Variants in TEX11 observed in about 807,000 individuals in gnomAD.
The protein encoded by TEX11 is testis-expressed protein 11.
Under a neutral mutation model 84.4 loss-of-function variants are expected in TEX11, and 7 were observed. The observed-to-expected ratio is 0.08, with a 90% CI of 0.05 to 0.16. The LOEUF (loss-of-function observed/expected upper bound fraction) is 0.16, where lower values mean the gene tolerates loss of function less well. TEX11 is among the 10% of genes least tolerant of loss of function. The pLI is 1.00. For missense variants in TEX11, 551 were observed against 660.5 expected, an observed-to-expected ratio of 0.83 and a Z score of 1.82; for synonymous variants, 264 against 222.8, an observed-to-expected ratio of 1.18 and a Z score of -1.64.
At chrX:70,667,404 G>A (rs1033449354) in intron 16 of TEX11, among the ~76,000 whole-genome samples, 1 of 111,995 alleles carries the variant, frequency 8.9e-6, no homozygotes, top group African/African-American at 3.3e-5. Flanking sequence ...TGTCCATGTG[G>A]ATAAAGGTTT....
intron 25 of TEX11, among the ~76,000 whole-genome samples, chrX:70,566,753 C>T (rs2088487374): frequency 9.0e-6 from 1 of 111,557 alleles, no homozygotes; most frequent in Admixed American, 9.5e-5. Flanking sequence ...AGGGATGAAG[C>T]CCACTTGATC....
At chrX:70,580,336 G>A (rs903719605) in intron 25 of TEX11, among the ~76,000 whole-genome samples, 4 of 112,018 alleles carry the variant, frequency 3.6e-5, no homozygotes, top group African/African-American at 1.3e-4. Context: ...TGTGAGGATG[G>A]GTAATGGGTA....
chrX:70,715,551 C>T (rs1208190708), intron 13 of TEX11, among the ~76,000 whole-genome samples: 1 of 111,750 alleles, frequency 8.9e-6, no homozygotes, highest in African/African-American at 3.3e-5. Context: ...TGATCTTCCA[C>T]TACTGATACC....
chrX:70,805,197 T>G lies in TEX11; in HGVS notation c.692+1508A>C, dbSNP rs143496794. Reference sequence around the variant, plus strand: ...TATATAAGTCATTTGCATCAACATTTTGCTAGTGATAGATATGTCTGAGTA... The same window carrying G: ...TATATAAGTCATTTGCATCAACATTGTGCTAGTGATAGATATGTCTGAGTA... On this transcript the variant is annotated intron_variant, in intron 9 of 29. Coordinates refer to ENST00000374333, the MANE Select transcript of TEX11 (RefSeq NM_031276.3). Among the ~76,000 whole-genome samples the G allele has an allele frequency of 1.5e-4, 16 of 109,899 alleles. No individual in the cohort carries two copies. In the East Asian group the frequency reaches 4.5e-3, roughly 31 times the overall value.
chrX:70,732,812 C>T (rs750835285), intron 11 of TEX11, among the ~76,000 whole-genome samples: 2 of 111,505 alleles, frequency 1.8e-5, no homozygotes, highest in African/African-American at 6.5e-5. Flanking sequence ...TTTAAAGTTC[C>T]TATGGAACCA....
At chrX:70,856,489 T>C (rs1458117792) in intron 5 of TEX11, among the ~76,000 whole-genome samples, 3 of 111,510 alleles carry the variant, frequency 2.7e-5, no homozygotes, top group African/African-American at 6.5e-5. Context: ...CCATGTACTA[T>C]AAATCATCTC....
At chrX:70,862,043 T>C (rs2091573336) in intron 4 of TEX11, among the ~76,000 whole-genome samples, 1 of 109,536 alleles carries the variant, frequency 9.1e-6, no homozygotes, top group South Asian at 3.9e-4. Context: ...CAAGCTAGAA[T>C]ACAGTGGCAT....
chrX:70,730,623 C>T (rs193296292), intron 11 of TEX11, among the ~76,000 whole-genome samples: 1 of 111,946 alleles, frequency 8.9e-6, no homozygotes, highest in East Asian at 2.8e-4. Context: ...TATATATGCA[C>T]CCAATACAGA....
At chrX:70,769,240 T>C (rs1449251011) in intron 9 of TEX11, among the ~76,000 whole-genome samples, 2 of 110,915 alleles carry the variant, frequency 1.8e-5, no homozygotes, top group Non-Finnish European at 3.8e-5. Flanking sequence ...ATAAATGAAA[T>C]TGATCACTAA....
the TEX11 span, among the ~76,000 whole-genome samples, chrX:70,520,198 C>T: frequency 8.1e-4 from 91 of 112,002 alleles, no homozygotes; most frequent in Non-Finnish European, 1.4e-3. Context: ...AGAAGAGGTG[C>T]TCTGGTTTTT....
Position 70,853,172 on chromosome X carries a change from G to A in TEX11, c.406-19C>T. 13 of 1,209,840 alleles carry A rather than the reference G, an allele frequency of 1.1e-5. No individual in the cohort carries two copies. Among genetic ancestry groups the A allele is most frequent in the Non-Finnish European group, 1.5e-5 (13 of 894,321 alleles). On this transcript the variant is annotated intron_variant, in intron 6 of 29. Coordinates refer to ENST00000374333, the MANE Select transcript of TEX11 (RefSeq NM_031276.3). ...CCAGACTCTGGAAAATAAACCCACA[G>A]TACAATGTAACAATGAGAATAACCA...
At chrX:70,783,131 C>G (rs776726538) in intron 9 of TEX11, among the ~76,000 whole-genome samples, 1 of 112,011 alleles carries the variant, frequency 8.9e-6, no homozygotes, top group Admixed American at 9.5e-5. Context: ...AAGAAACTGT[C>G]TCTCAGACCA....
At chrX:70,860,812 C>A in intron 5 of TEX11, 45 bp downstream of exon 5, 1 of 948,559 alleles carries the variant, frequency 1.1e-6, no homozygotes, top group Non-Finnish European at 1.5e-6. Flanking sequence ...ATAGAAGTAA[C>A]AACCATCTCA....
intron 9 of TEX11, among the ~76,000 whole-genome samples, chrX:70,804,474 T>C (rs1371898745): frequency 8.9e-6 from 1 of 111,963 alleles, no homozygotes; most frequent in East Asian, 2.8e-4. Context: ...TTTCACCAGG[T>C]TATTTTTATA....
intron 18 of TEX11, among the ~76,000 whole-genome samples, chrX:70,626,079 G>A (rs999422165): frequency 1.5e-4 from 17 of 110,967 alleles, no homozygotes; most frequent in Non-Finnish European, 2.8e-4. Flanking sequence ...ATAGGTAGAG[G>A]ATCCTCCCAA....
chrX:70,811,543 T>G (rs1363915789), intron 8 of TEX11, among the ~76,000 whole-genome samples: 1 of 111,845 alleles, frequency 8.9e-6, no homozygotes, highest in African/African-American at 3.3e-5. Context: ...ATATACCCAG[T>G]AATGGGATGG....
At position 70,731,720 on chromosome X, in the gene TEX11, G is replaced by A. The variant is rs764342623; in HGVS notation, c.844-6377C>T. 8.5e-5 allele frequency among the ~76,000 whole-genome samples: 9 copies of A among 106,025 alleles called. No individual in the cohort carries two copies. In the South Asian group the frequency reaches 2.7e-3, roughly 31 times the overall value. The allele number at this position is 106,025 out of a possible 115,157, so 92.1% of individuals were successfully genotyped here. A position where few individuals can be genotyped will look rare whatever the true frequency, so the allele number is the denominator to read the frequency against. ...ATGGATTCACAGCCGAATTCTACCA[G>A]AGGTACAAGGAGGAGCTGGTACCAT... On this transcript the variant is annotated intron_variant, in intron 11 of 29. Coordinates refer to ENST00000374333, the MANE Select transcript of TEX11 (RefSeq NM_031276.3).
intron 28 of TEX11, among the ~76,000 whole-genome samples, chrX:70,544,840 A>AC (rs2088096957): frequency 9.8e-6 from 1 of 102,374 alleles, no homozygotes; most frequent in African/African-American, 3.4e-5. Flanking sequence ...CCATCTCAAA[A>AC]AAAAAAAAAA....
intron 13 of TEX11, among the ~76,000 whole-genome samples, chrX:70,704,510 G>A (rs745750849): frequency 3.1e-4 from 35 of 111,244 alleles, no homozygotes; most frequent in Admixed American, 1.1e-3. Context: ...TCCAGTACTC[G>A]AAATCATTAT....
Sources: gnomAD v4.1 joint callset for allele counts (sites outside exome capture counted in the v4.1 genomes callset) on GRCh38, gnomAD v4.1.1 for gene constraint, MANE v1.5 for transcripts, NCBI Gene and HGNC (gene_info 2026-07-23, HGNC 2026-07-21) for gene names.